Variants in CAMTA1 observed in about 807,000 individuals in gnomAD.
CAMTA1 encodes the protein calmodulin-binding transcription activator 1.
In CAMTA1, 27 loss-of-function variants were observed where a neutral mutation model predicts 170.9. The ratio of observed to expected loss-of-function variants is 0.16; its 90% CI spans 0.12 to 0.22. The LOEUF (loss-of-function observed/expected upper bound fraction) is 0.22, where lower values mean the gene tolerates loss of function less well. Ranked by LOEUF, CAMTA1 falls within the 10% of genes least tolerant of loss-of-function variation. The probability of loss-of-function intolerance (pLI) is 1.00; values close to 1 mark genes in which losing one functional copy is unlikely to be tolerated. For missense variants in CAMTA1, 1,619 were observed against 2,217.2 expected, an observed-to-expected ratio of 0.73 and a Z score of 5.42; for synonymous variants, 833 against 891.5, an observed-to-expected ratio of 0.93 and a Z score of 1.17.
rs1666636419 is a variant in CAMTA1 at position 7,251,498 on chromosome 1, T to A, written c.438+1872T>A. Among the ~76,000 whole-genome samples the A allele has an allele frequency of 6.6e-6, 1 of 152,106 alleles. No homozygotes were observed. The highest frequency in any genetic ancestry group is 2.1e-4 in the South Asian group (1 of 4,824). On this transcript the variant is annotated intron_variant, in intron 5 of 22. Transcript: ENST00000303635. The surrounding 1 kb of genome is among the most constrained non-coding windows in gnomAD (Gnocchi z 5.1). The stretch of plus-strand genomic sequence containing the variant: ...CGGGAAGAGCCGGTGACACGATGCT[T>A]GCTTTGGGTTCTCAGAGAGAGGCCA...
chr1:7,568,247 C>T (rs1432166934), intron 6 of CAMTA1, among the ~76,000 whole-genome samples: 2 of 146,902 alleles, frequency 1.4e-5, no homozygotes, highest in Non-Finnish European at 3.0e-5. Context: ...ATCAACATCA[C>T]CGTCGTCATC....
chr1:7,607,008 G>A (rs1323058681), intron 6 of CAMTA1, among the ~76,000 whole-genome samples: 1 of 152,258 alleles, frequency 6.6e-6, no homozygotes, highest in Non-Finnish European at 1.5e-5. Context: ...AATACTCAGA[G>A]TGGTATCAGC....
chr1:6,861,604 GA>G (rs1280327085), intron 3 of CAMTA1, among the ~76,000 whole-genome samples: 5 of 152,138 alleles, frequency 3.3e-5, no homozygotes, highest in Admixed American at 2.0e-4. Flanking sequence ...TGTCAGTAGG[GA>G]AGTGTTTAGG....
At chr1:6,957,049 G>A (rs1190962284) in intron 3 of CAMTA1, among the ~76,000 whole-genome samples, 2 of 152,222 alleles carry the variant, frequency 1.3e-5, no homozygotes, top group African/African-American at 4.8e-5. Context: ...CAAAACCCAC[G>A]AATCAGAGCG....
intron 1 of CAMTA1, among the ~76,000 whole-genome samples, chr1:6,802,795 C>G (rs546702927): frequency 3.9e-4 from 60 of 151,940 alleles, no homozygotes; most frequent in African/African-American, 1.4e-3. Context: ...AGTGCAGTAG[C>G]ACAATTTCAG....
At chr1:7,094,851 G>C (rs539533188) in intron 4 of CAMTA1, among the ~76,000 whole-genome samples, 16 of 152,248 alleles carry the variant, frequency 1.1e-4, no homozygotes, top group Non-Finnish European at 2.2e-4. Flanking sequence ...TTTGGCACTT[G>C]CTGTGTGCTC....
At chr1:7,268,101 G>A (rs1478084646) in intron 5 of CAMTA1, among the ~76,000 whole-genome samples, 1 of 152,188 alleles carries the variant, frequency 6.6e-6, no homozygotes, top group Non-Finnish European at 1.5e-5. Context: ...AAATAAACAA[G>A]CTCTGGCTTT....
chr1:7,398,266 G>A (rs1042575704), intron 5 of CAMTA1, among the ~76,000 whole-genome samples: 1 of 126,486 alleles, frequency 7.9e-6, no homozygotes, highest in South Asian at 2.6e-4. Flanking sequence ...GTGCCCCAAT[G>A]TTGGGTGCAT....
chr1:7,555,153 C>T (rs376364126), intron 6 of CAMTA1, among the ~76,000 whole-genome samples: 52 of 152,136 alleles, frequency 3.4e-4, no homozygotes, highest in African/African-American at 1.1e-3. Context: ...TTCTGGGAGC[C>T]GGATTGGCCT....
chr1:7,180,511 CTTTTTTTTTTTTT>C (rs397862259), intron 4 of CAMTA1, among the ~76,000 whole-genome samples: 2 of 71,180 alleles, frequency 2.8e-5, no homozygotes, highest in African/African-American at 1.2e-4. Context: ...TGTCACTAGA[CTTTTTTTTTTTTT>C]TTTTTTTTTT....
rs1571860572 is a variant in CAMTA1 at position 6,935,955 on chromosome 1, A to C, written c.234+110745A>C. On this transcript the variant is annotated intron_variant, in intron 3 of 22. Coordinates refer to ENST00000303635, the MANE Select transcript of CAMTA1 (RefSeq NM_015215.4). ...CTGGAGACCAGAACTTCTGGCTCCC[A>C]GGAAGCCACTGTGTTTTTGTGACTC... 3.3e-5 allele frequency among the ~76,000 whole-genome samples: 5 copies of C among 152,340 alleles called. No homozygotes were observed. In the Middle Eastern group the frequency reaches 0.01, roughly 313 times the overall value.
At chr1:7,460,776 T>A (rs2093065980) in intron 5 of CAMTA1, among the ~76,000 whole-genome samples, 1 of 152,148 alleles carries the variant, frequency 6.6e-6, no homozygotes, top group Admixed American at 6.5e-5. Flanking sequence ...TTGTCGTGGG[T>A]ACATCAGATA....
At position 7,633,919 on chromosome 1, in the gene CAMTA1, T is replaced by C. The variant is rs1048755408; in HGVS notation, c.511-6481T>C. Among the ~76,000 whole-genome samples the C allele has an allele frequency of 6.6e-6, 1 of 152,190 alleles. No homozygotes were observed. Among genetic ancestry groups the C allele is most frequent in the African/African-American group, 2.4e-5 (1 of 41,450 alleles). On this transcript the variant is annotated intron_variant, in intron 6 of 22. Transcript: ENST00000303635. This position sits in a 1 kb window ranked among gnomAD's most constrained non-coding sequence, Gnocchi z 4.1. ...CCACAAGAAAGTGACCTGGGACCAA[T>C]GTGGCATGGAGCGTGGCAGCCAGAG...
At chr1:6,926,649 C>G (rs1300734974) in intron 3 of CAMTA1, among the ~76,000 whole-genome samples, 1 of 142,854 alleles carries the variant, frequency 7.0e-6, no homozygotes. Flanking sequence ...TTCTTTCTTT[C>G]TCTTTCATTC....
At chr1:7,611,693 C>G (rs886907538) in intron 6 of CAMTA1, among the ~76,000 whole-genome samples, 1 of 152,248 alleles carries the variant, frequency 6.6e-6, no homozygotes, top group Non-Finnish European at 1.5e-5. Flanking sequence ...CTTACTGTAC[C>G]TCCCAGGCTC....
At chr1:7,606,417 T>G (rs1404108652) in intron 6 of CAMTA1, among the ~76,000 whole-genome samples, 3 of 152,208 alleles carry the variant, frequency 2.0e-5, no homozygotes, top group Non-Finnish European at 4.4e-5. Flanking sequence ...TGCTTTTATC[T>G]TTTCTTGAGG....
chr1:7,278,845 A>T (rs1671106455), intron 5 of CAMTA1, among the ~76,000 whole-genome samples: 1 of 152,148 alleles, frequency 6.6e-6, no homozygotes, highest in African/African-American at 2.4e-5. Context: ...TGTATGAAAA[A>T]ACTGTGATTA....
At chr1:7,644,179 G>A (rs146502025) in intron 7 of CAMTA1, among the ~76,000 whole-genome samples, 241 of 152,248 alleles carry the variant, frequency 1.6e-3, no homozygotes, top group Admixed American at 3.0e-3. Flanking sequence ...TGGGGGCTCC[G>A]TGACCTTATG....
At chr1:7,339,054 G>A (rs188893014) in intron 5 of CAMTA1, among the ~76,000 whole-genome samples, 44 of 152,262 alleles carry the variant, frequency 2.9e-4, no homozygotes, top group East Asian at 1.4e-3. Context: ...CTCCTATGAC[G>A]AGACCAGCGA....
Sources: allele counts gnomAD v4.1 joint callset (sites outside exome capture counted in the v4.1 genomes callset), GRCh38; gene constraint gnomAD v4.1.1; non-coding constraint Gnocchi (gnomAD v3.1); transcripts MANE v1.5; gene names NCBI Gene and HGNC (gene_info 2026-07-23, HGNC 2026-07-21).